Variants in TENM3 observed in about 807,000 individuals in gnomAD.
The protein encoded by TENM3 is teneurin-3.
In TENM3, 63 loss-of-function variants were observed where a neutral mutation model predicts 255.1. The ratio of observed to expected loss-of-function variants is 0.25; its 90% CI spans 0.20 to 0.30. The LOEUF (loss-of-function observed/expected upper bound fraction) is 0.30, where lower values mean the gene tolerates loss of function less well. Ranked by LOEUF, TENM3 falls within the 10% of genes least tolerant of loss-of-function variation. The probability of loss-of-function intolerance (pLI) is 1.00; values close to 1 mark genes in which losing one functional copy is unlikely to be tolerated. For missense variants in TENM3, 2,929 were observed against 3,461.1 expected, an observed-to-expected ratio of 0.85 and a Z score of 3.86; for synonymous variants, 1,306 against 1,322.3, an observed-to-expected ratio of 0.99 and a Z score of 0.27.
At chr4:182,769,226 G>C (rs964109855) in intron 22 of TENM3, among the ~76,000 whole-genome samples, 34 of 152,072 alleles carry the variant, frequency 2.2e-4, no homozygotes, top group African/African-American at 7.0e-4. Context: ...TGGGTGCATT[G>C]GTTTTCTTCT....
chr4:182,523,173 G>A (rs1738763346), intron 3 of TENM3, among the ~76,000 whole-genome samples: 1 of 151,730 alleles, frequency 6.6e-6, no homozygotes, highest in Non-Finnish European at 1.5e-5. Flanking sequence ...TTTTGTGTGT[G>A]TGTGTGTGGT....
At chr4:182,082,590 G>A in the TENM3 span, among the ~76,000 whole-genome samples, 3 of 152,198 alleles carry the variant, frequency 2.0e-5, no homozygotes, top group African/African-American at 7.2e-5. Flanking sequence ...AGAAGTATCT[G>A]AGCTTAGCCC....
chr4:181,886,851 C>T, the TENM3 span, among the ~76,000 whole-genome samples: 1 of 152,082 alleles, frequency 6.6e-6, no homozygotes, highest in East Asian at 1.9e-4. Context: ...AGTTTTAATT[C>T]AGTGATATTT....
chr4:181,461,474 G>T, the TENM3 span, among the ~76,000 whole-genome samples: 2 of 151,826 alleles, frequency 1.3e-5, no homozygotes, highest in Non-Finnish European at 2.9e-5. Context: ...TTTCTATTCT[G>T]CCCCTACTTA....
At chr4:181,614,515 G>A in the TENM3 span, among the ~76,000 whole-genome samples, 83 of 152,296 alleles carry the variant, frequency 5.4e-4, no homozygotes, top group East Asian at 0.015. Flanking sequence ...AACTCTAAGT[G>A]ATGCTGAGAT....
chr4:181,830,799 G>A, the TENM3 span, among the ~76,000 whole-genome samples: 3 of 152,150 alleles, frequency 2.0e-5, no homozygotes, highest in Admixed American at 2.0e-4. Flanking sequence ...AGAGTCTCCT[G>A]TCCAGCTTGA....
intron 1 of TENM3, among the ~76,000 whole-genome samples, chr4:182,234,365 A>C (rs1756766678): frequency 1.3e-5 from 2 of 152,178 alleles, no homozygotes; most frequent in Non-Finnish European, 1.5e-5. Context: ...ATGGGAGCTA[A>C]ATTCAGCAAG....
chr4:181,836,516 T>C, the TENM3 span, among the ~76,000 whole-genome samples: 2 of 152,210 alleles, frequency 1.3e-5, no homozygotes, highest in African/African-American at 4.8e-5. Context: ...GAATGACTGA[T>C]CATGGTATCA....
chr4:182,405,058 CT>C lies in TENM3; in HGVS notation c.511+58135del, dbSNP rs565806139. Among the ~76,000 whole-genome samples the C allele has an allele frequency of 2.5e-3, 380 of 152,244 alleles. 1 individual carries two copies. The highest frequency in any genetic ancestry group is 0.017 in the Middle Eastern group (5 of 294). ...CTCCTTGCACTAGCTTCTTACCTGGCTTTTTTGGTTAAGTGTATGAGAAATC... is the reference window on the plus strand; with the variant it reads ...CTCCTTGCACTAGCTTCTTACCTGGCTTTTTGGTTAAGTGTATGAGAAATC... On this transcript the variant is annotated intron_variant, in intron 3 of 27. Transcript: ENST00000511685.
At chr4:182,176,038 A>C (rs1240304947) in intron 1 of TENM3, among the ~76,000 whole-genome samples, 1 of 152,130 alleles carries the variant, frequency 6.6e-6, no homozygotes, top group Non-Finnish European at 1.5e-5. Flanking sequence ...TAATGTTTTT[A>C]GTTATCGTTT....
chr4:181,604,790 A>G, the TENM3 span, among the ~76,000 whole-genome samples: 2 of 152,226 alleles, frequency 1.3e-5, no homozygotes, highest in Non-Finnish European at 2.9e-5. Flanking sequence ...ATATAGCCTA[A>G]GAGGTAGCAC....
chr4:181,616,466 A>G, the TENM3 span, among the ~76,000 whole-genome samples: 1 of 148,778 alleles, frequency 6.7e-6, no homozygotes, highest in Non-Finnish European at 1.5e-5. Context: ...AATATTATCC[A>G]TATAATTAAT....
the TENM3 span, among the ~76,000 whole-genome samples, chr4:181,743,307 T>C: frequency 6.6e-6 from 1 of 152,144 alleles, no homozygotes; most frequent in Admixed American, 6.5e-5. Flanking sequence ...GTAAAAGTGT[T>C]CCTATTTCTC....
At chr4:182,127,580 T>C in the TENM3 span, among the ~76,000 whole-genome samples, 1 of 152,172 alleles carries the variant, frequency 6.6e-6, no homozygotes, top group Non-Finnish European at 1.5e-5. Flanking sequence ...AACAATAGTA[T>C]TTCAAAATAA....
chr4:182,105,749 G>A, the TENM3 span, among the ~76,000 whole-genome samples: 100 of 152,248 alleles, frequency 6.6e-4, no homozygotes, highest in African/African-American at 2.3e-3. Flanking sequence ...CTTATGTAGC[G>A]GATTGATTGA....
At chr4:182,386,584 G>A (rs868330536) in intron 3 of TENM3, among the ~76,000 whole-genome samples, 70 of 152,348 alleles carry the variant, frequency 4.6e-4, no homozygotes, top group African/African-American at 1.6e-3. Flanking sequence ...CAGGAACTGG[G>A]GCTGCGCGCA....
the TENM3 span, among the ~76,000 whole-genome samples, chr4:181,673,581 A>T: frequency 6.6e-6 from 1 of 152,188 alleles, no homozygotes; most frequent in Non-Finnish European, 1.5e-5. Flanking sequence ...CAGTTCCTAC[A>T]GAGATCAAGA....
At chr4:182,586,859 T>G (rs1296354531) in intron 3 of TENM3, among the ~76,000 whole-genome samples, 1 of 152,082 alleles carries the variant, frequency 6.6e-6, no homozygotes, top group East Asian at 1.9e-4. Flanking sequence ...AATAATATGC[T>G]AGAAAAAAAT....
the TENM3 span, among the ~76,000 whole-genome samples, chr4:181,696,646 C>G: frequency 6.6e-6 from 1 of 152,190 alleles, no homozygotes; most frequent in Non-Finnish European, 1.5e-5. Flanking sequence ...TACTTATATT[C>G]TCAGTGCCTA....
Sources: gnomAD v4.1 joint callset for allele counts (sites outside exome capture counted in the v4.1 genomes callset) on GRCh38, gnomAD v4.1.1 for gene constraint, MANE v1.5 for transcripts, NCBI Gene and HGNC (gene_info 2026-07-23, HGNC 2026-07-21) for gene names.